DYRK1A: variants seen among roughly 807,000 people sequenced by gnomAD.
The protein encoded by DYRK1A is dual specificity tyrosine phosphorylation regulated kinase 1A.
In DYRK1A, 9 loss-of-function variants were observed where a neutral mutation model predicts 79.7. The observed-to-expected ratio is 0.11, with a 90% CI of 0.07 to 0.20. The LOEUF (loss-of-function observed/expected upper bound fraction) is 0.20. Ranked by LOEUF, DYRK1A falls within the 10% of genes least tolerant of loss-of-function variation. DYRK1A has a pLI of 1.00. For synonymous variants in DYRK1A, 349 were observed against 329.7 expected (o/e 1.06, Z -0.63); for missense variants, 622 against 956.0 (o/e 0.65, Z 4.61).
Position 37,420,334 on chromosome 21 carries a change from C to T in DYRK1A, c.-41C>T. 2 of 1,583,006 alleles carry T rather than the reference C, an allele frequency of 1.3e-6. No individual in the cohort carries two copies. Among genetic ancestry groups the T allele is most frequent in the Non-Finnish European group, 1.7e-6 (2 of 1,159,278 alleles). On this transcript the variant is annotated 5_prime_UTR_variant, in exon 2 of 12. Coordinates refer to ENST00000647188, the MANE Select transcript of DYRK1A (RefSeq NM_001347721.2). ...TTGCCGCTGGACTCTTCCCTCCCTT[C>T]CCCCACCCCATCAGGATGATATGAG...
At chr21:37,420,661 T>G (rs974350135) in intron 2 of DYRK1A, among the ~76,000 whole-genome samples, 2 of 152,124 alleles carry the variant, frequency 1.3e-5, no homozygotes, top group South Asian at 2.1e-4. Flanking sequence ...AATAATTCTG[T>G]TAATGTAAAT....
At chr21:37,496,524 C>T (rs1015381385) in intron 9 of DYRK1A, among the ~76,000 whole-genome samples, 1 of 152,194 alleles carries the variant, frequency 6.6e-6, no homozygotes, top group African/African-American at 2.4e-5. Flanking sequence ...CTGATCACAT[C>T]ACCATACTTG....
chr21:37,465,331 A>G (rs2051989420), intron 2 of DYRK1A, among the ~76,000 whole-genome samples: 1 of 152,228 alleles, frequency 6.6e-6, no homozygotes, highest in South Asian at 2.1e-4. Flanking sequence ...ATGCATGGGA[A>G]TGTGTATTAT....
At chr21:37,476,030 TAAGA>T (rs2052381580) in intron 3 of DYRK1A, among the ~76,000 whole-genome samples, 1 of 152,210 alleles carries the variant, frequency 6.6e-6, no homozygotes, top group African/African-American at 2.4e-5. Context: ...AAATGACTGC[TAAGA>T]GGGTAGACTA....
chr21:37,444,335 A>G (rs912541933), intron 2 of DYRK1A, among the ~76,000 whole-genome samples: 2 of 152,222 alleles, frequency 1.3e-5, no homozygotes, highest in African/African-American at 4.8e-5. Flanking sequence ...CAGAATGGAC[A>G]TTTTAAGAAA....
chr21:37,468,093 T>C (rs1353290851), intron 2 of DYRK1A, among the ~76,000 whole-genome samples: 1 of 152,136 alleles, frequency 6.6e-6, no homozygotes, highest in East Asian at 1.9e-4. Context: ...GGAACTTACA[T>C]GGAATAGCCA....
At chr21:37,478,695 T>C (rs770461137) in intron 4 of DYRK1A, among the ~76,000 whole-genome samples, 21 of 152,214 alleles carry the variant, frequency 1.4e-4, no homozygotes, top group Non-Finnish European at 2.5e-4. Context: ...GCTTTTGCCA[T>C]GGGTGTCAGG....
intron 1 of DYRK1A, among the ~76,000 whole-genome samples, chr21:37,412,537 G>T (rs1486713873): frequency 1.3e-5 from 2 of 152,152 alleles, no homozygotes; most frequent in Non-Finnish European, 2.9e-5. Flanking sequence ...ACCTGCCCTA[G>T]AGTTTATGAC....
chr21:37,445,630 C>T (rs562582415), intron 2 of DYRK1A, among the ~76,000 whole-genome samples: 1 of 152,280 alleles, frequency 6.6e-6, no homozygotes, highest in African/African-American at 2.4e-5. Context: ...TGAGCAAATA[C>T]ATCTGTGGGG....
At chr21:37,496,026 G>A in intron 8 of DYRK1A, 92 bp from the exon 9 acceptor site, 1 of 1,252,486 alleles carries the variant, frequency 8.0e-7, no homozygotes, top group Admixed American at 2.2e-5. Flanking sequence ...CACACAGGAG[G>A]TGTGCAATTT....
chr21:37,497,795 G>T (rs2148631158), intron 9 of DYRK1A, among the ~76,000 whole-genome samples: 1 of 152,250 alleles, frequency 6.6e-6, no homozygotes, highest in East Asian at 1.9e-4. Flanking sequence ...TTTCAGAAAT[G>T]AGTAGATTGT....
At chr21:37,457,021 CTTACTTACTTACTTACTTATTTAT>C (rs1215303843) in intron 2 of DYRK1A, among the ~76,000 whole-genome samples, 95 of 85,396 alleles carry the variant, frequency 1.1e-3, no homozygotes, top group African/African-American at 3.7e-3. Flanking sequence ...AATTTACTTA[CTTACTTACTTACTTACTTATTTAT>C]TTATTTATTT....
At position 37,496,338 on chromosome 21, in the gene DYRK1A, T is replaced by TA. The variant is rs1234546296; in HGVS notation, c.1212+81dup. The stretch of plus-strand genomic sequence containing the variant: ...GTCTTTTTATAGCTCATTTTGCATT[T>TA]ACTTGAAATCAGTGTGTTTCAGTTA... On this transcript the variant is annotated intron_variant, in intron 9 of 11. Coordinates refer to ENST00000647188, the MANE Select transcript of DYRK1A (RefSeq NM_001347721.2). 17 of 1,416,664 alleles carry TA rather than the reference T, an allele frequency of 1.2e-5. No homozygotes were observed. In the East Asian group the frequency reaches 4.0e-4, roughly 33 times the overall value. 87.8% of individuals were successfully genotyped at this position (1,416,664 alleles called of 1,614,324 possible).
intron 2 of DYRK1A, among the ~76,000 whole-genome samples, chr21:37,437,220 G>C (rs2050950096): frequency 1.3e-5 from 2 of 152,288 alleles, no homozygotes; most frequent in Middle Eastern, 3.4e-3. Flanking sequence ...TTTTACAGCA[G>C]TGGTTCACAA....
At chr21:37,435,678 A>G (rs2050903307) in intron 2 of DYRK1A, among the ~76,000 whole-genome samples, 1 of 152,214 alleles carries the variant, frequency 6.6e-6, no homozygotes, top group African/African-American at 2.4e-5. Context: ...GATCAGAAAC[A>G]GTACCCTTGT....
chr21:37,476,464 C>T (rs2052396399), intron 3 of DYRK1A, among the ~76,000 whole-genome samples: 1 of 152,166 alleles, frequency 6.6e-6, no homozygotes, highest in Non-Finnish European at 1.5e-5. Flanking sequence ...TGCACTGATT[C>T]AGATTTTGTG....
chr21:37,467,211 A>G (rs1170532835), intron 2 of DYRK1A, among the ~76,000 whole-genome samples: 1 of 152,132 alleles, frequency 6.6e-6, no homozygotes, highest in Non-Finnish European at 1.5e-5. Context: ...TAAAATCATG[A>G]CCAAATCGCA....
chr21:37,449,036 T>A (rs2051361160), intron 2 of DYRK1A, among the ~76,000 whole-genome samples: 2 of 152,164 alleles, frequency 1.3e-5, no homozygotes, highest in South Asian at 4.1e-4. Flanking sequence ...GTCATATCAT[T>A]TTTCCCCTGC....
intron 1 of DYRK1A, among the ~76,000 whole-genome samples, chr21:37,396,357 G>A (rs1049215728): frequency 5.9e-5 from 9 of 151,980 alleles, no homozygotes; most frequent in South Asian, 2.1e-4. Context: ...GTATTTGTCC[G>A]TTTTCTGTGT....
Sources: allele counts gnomAD v4.1 joint callset (sites outside exome capture counted in the v4.1 genomes callset), GRCh38; gene constraint gnomAD v4.1.1; transcripts MANE v1.5; gene names NCBI Gene and HGNC (gene_info 2026-07-23, HGNC 2026-07-21).